PIM2: variants seen among roughly 807,000 people sequenced by gnomAD.
PIM2 encodes Pim-2 proto-oncogene, serine/threonine kinase.
Under a neutral mutation model 18.0 loss-of-function variants are expected in PIM2, and 3 were observed. That is an observed-to-expected ratio of 0.17 (90% CI 0.08 to 0.43). The LOEUF is 0.43. Ranked by LOEUF, PIM2 falls within the 20% of genes least tolerant of loss-of-function variation. The pLI, the probability that PIM2 is intolerant of heterozygous loss-of-function variation, is 0.99. For missense variants in PIM2, 181 were observed against 260.8 expected (o/e 0.69, Z 2.11); for synonymous variants, 117 against 105.3 (o/e 1.11, Z -0.68).
chrX:48,915,502 T>A (rs1238431546), intron 3 of PIM2, 110 bp from the exon 4 acceptor site: 12 of 777,582 alleles, frequency 1.5e-5, no homozygotes, highest in Admixed American at 3.9e-5. Flanking sequence ...TTCCTGACAG[T>A]GTGTCGCTAA....
At position 48,915,280 on chromosome X, in the gene PIM2, A is replaced by G. The variant is rs1557045119; in HGVS notation, c.335T>C (p.Phe112Ser). 1 of 1,212,062 alleles carries G rather than the reference A, an allele frequency of 8.3e-7. No homozygotes were observed. Among genetic ancestry groups the G allele is most frequent in the South Asian group, 1.8e-5 (1 of 57,021 alleles). ...LLDWFETQEG[F>S]MLVLERPLPA... ...CAAAGGCCGCTCGAGGACCAGCATG[A>G]AGCCCTCCTGTGTCTCAAACCAGTC... The change falls in exon 4 of 6, where the codon TTC becomes TCC. Residue 112 changes from phenylalanine (F) to serine (S), a missense_variant. Phe to Ser is a radical substitution (Grantham distance 155, BLOSUM62 -2). Coordinates refer to ENST00000376509, the MANE Select transcript of PIM2 (RefSeq NM_006875.4).
intron 2 of PIM2, among the ~76,000 whole-genome samples, 156 bp downstream of exon 2, chrX:48,918,380 G>A (rs1381472016): frequency 1.1e-5 from 1 of 87,261 alleles, no homozygotes; most frequent in Non-Finnish European, 2.2e-5. Flanking sequence ...CACACTGCAG[G>A]CTCACTCCTC....
At chrX:48,915,504 T>C in intron 3 of PIM2, 112 bp from the exon 4 acceptor site, 1 of 755,190 alleles carries the variant, frequency 1.3e-6, no homozygotes, top group East Asian at 3.5e-5. Flanking sequence ...CCTGACAGTG[T>C]GTCGCTAAGC....
In PIM2 at chrX:48,913,439, T is replaced by C. The variant is rs1467131025; in HGVS notation, c.*692A>G. 2 of 108,006 alleles carry C rather than the reference T, an allele frequency of 1.9e-5. No homozygotes were observed. The highest frequency in any genetic ancestry group is 3.8e-5 in the Non-Finnish European group (2 of 52,112). The allele number at this position is 108,006 out of a possible 1,213,427, so 8.9% of individuals were successfully genotyped here. On this transcript the variant is annotated 3_prime_UTR_variant, in exon 6 of 6. Transcript: ENST00000376509. ...CCCCAAAAAACCATCCATCCCATCC[T>C]AGTGTCTGGTGGTGTCCGGTGGTGT...
chrX:48,917,659 A>G, intron 3 of PIM2, 122 bp downstream of exon 3: 1 of 523,782 alleles, frequency 1.9e-6, no homozygotes, highest in Non-Finnish European at 3.4e-6. Context: ...GGGAGTATAA[A>G]TGGGCTGGCA....
chrX:48,915,700 C>A, intron 3 of PIM2: 1 of 222,603 alleles, frequency 4.5e-6, no homozygotes. Context: ...CTTTGGGAGG[C>A]TGATGTGGGT....
At chrX:48,916,851 GAA>G (rs781867162) in intron 3 of PIM2, among the ~76,000 whole-genome samples, 5 of 96,129 alleles carry the variant, frequency 5.2e-5, no homozygotes, top group Admixed American at 4.6e-4. Flanking sequence ...CCGTCTCAAG[GAA>G]AAAAAAAAGT....
At chrX:48,914,696 T>G in intron 4 of PIM2, 125 bp from the exon 5 acceptor site, 1 of 580,795 alleles carries the variant, frequency 1.7e-6, no homozygotes, top group East Asian at 3.7e-5. Context: ...GTCCCCTCAC[T>G]AGATAAAAAG....
At chrX:48,917,660 T>C in intron 3 of PIM2, 121 bp downstream of exon 3, 1 of 525,110 alleles carries the variant, frequency 1.9e-6, no homozygotes, top group Non-Finnish European at 3.4e-6. Flanking sequence ...GGAGTATAAA[T>C]GGGCTGGCAG....
At chrX:48,917,261 G>C (rs1311655179) in intron 3 of PIM2, among the ~76,000 whole-genome samples, 1 of 111,779 alleles carries the variant, frequency 8.9e-6, no homozygotes, top group Non-Finnish European at 1.9e-5. Context: ...GGATGAGGTA[G>C]AGCCCTCTCC....
intron 2 of PIM2, among the ~76,000 whole-genome samples, chrX:48,918,298 G>GCCCCCCCCCCCCCC (rs11361543): frequency 2.8e-4 from 7 of 25,006 alleles, no homozygotes; most frequent in African/African-American, 4.4e-4. Context: ...GAAGCCCCCT[G>GCCCCCCCCCCCCCC]CCCCCCCCCC....
At chrX:48,914,349 C>T in intron 5 of PIM2, 46 bp downstream of exon 5, 2 of 1,210,243 alleles carry the variant, frequency 1.7e-6, no homozygotes, top group Middle Eastern at 2.3e-4. Context: ...GGTACTGGTC[C>T]CTGAGAAGGA....
At chrX:48,918,298 G>GCCC (rs11361543) in intron 2 of PIM2, among the ~76,000 whole-genome samples, 4 of 24,999 alleles carry the variant, frequency 1.6e-4, no homozygotes, top group African/African-American at 6.6e-4. Flanking sequence ...GAAGCCCCCT[G>GCCC]CCCCCCCCCC....
intron 2 of PIM2, 111 bp downstream of exon 2, chrX:48,918,425 G>C (rs2063569527): frequency 3.8e-6 from 2 of 521,338 alleles, no homozygotes; most frequent in Non-Finnish European, 6.3e-6. Context: ...ACACACACCT[G>C]GTCCTCTACA....
intron 2 of PIM2, 56 bp from the exon 3 acceptor site, chrX:48,917,887 G>A: frequency 2.1e-6 from 2 of 943,946 alleles, no homozygotes; most frequent in African/African-American, 1.9e-5. Flanking sequence ...ACCCCTCCCA[G>A]TCTAGACCTT....
At chrX:48,918,724 C>T in intron 1 of PIM2, 50 bp downstream of exon 1, 1 of 1,149,309 alleles carries the variant, frequency 8.7e-7, no homozygotes, top group Non-Finnish European at 1.2e-6. Flanking sequence ...CGCTGCAACC[C>T]ATCATTCCAG....
chrX:48,914,175 A>T lies in PIM2; in HGVS notation c.892T>A (p.Ser298Thr). Residue 298 changes from serine (S) to threonine (T), a missense_variant, in exon 6 of 6, where the codon TCC becomes ACC. Transcript: ENST00000376509. ...TPAEDVPLNP[S>T]KGGPAPLAWS... Reference sequence around the variant, plus strand: ...GCCAAAGGGGCAGGGCCTCCTTTGGAGGGGTTGAGGGGTACATCCTCGGCT... The same window carrying T: ...GCCAAAGGGGCAGGGCCTCCTTTGGTGGGGTTGAGGGGTACATCCTCGGCT... The T allele has an allele frequency of 8.6e-7, 1 of 1,161,799 alleles. No individual in the cohort carries two copies.
chrX:48,918,509 C>G, intron 2 of PIM2, 27 bp downstream of exon 2: 1 of 1,100,630 alleles, frequency 9.1e-7, no homozygotes, highest in Non-Finnish European at 1.2e-6. Flanking sequence ...ACGCACCTGA[C>G]CCTCCCAAGA....
Position 48,914,075 on chromosome X carries a change from CATGGCCATGGG to C in PIM2, c.*45_*55del. On this transcript the variant is annotated 3_prime_UTR_variant, in exon 6 of 6. Coordinates refer to ENST00000376509, the MANE Select transcript of PIM2 (RefSeq NM_006875.4). ...AACAAATGTCCATCTATCCCTGTGA[CATGGCCATGGG>C]ATGGCTCTTCTGACCATTGGGGGCC... The C allele has an allele frequency of 1.4e-6, 1 of 735,999 alleles. No individual in the cohort carries two copies. Among genetic ancestry groups the C allele is most frequent in the Non-Finnish European group, 2.0e-6 (1 of 510,061 alleles). The allele number at this position is 735,999 out of a possible 1,213,427, so 60.7% of individuals were successfully genotyped here. A position where few individuals can be genotyped will look rare whatever the true frequency, so the allele number is the denominator to read the frequency against.
Sources: allele counts gnomAD v4.1 joint callset (sites outside exome capture counted in the v4.1 genomes callset), GRCh38; gene constraint gnomAD v4.1.1; transcripts MANE v1.5; gene names NCBI Gene and HGNC (gene_info 2026-07-23, HGNC 2026-07-21).